The following EPHA6 variants were observed in gnomAD, a reference collection of about 807,000 sequenced individuals.
EPHA6 encodes ephrin type-A receptor 6.
A neutral mutation model predicts 112.0 loss-of-function variants in EPHA6; 50 were observed. That is an observed-to-expected ratio of 0.45 (90% CI 0.36 to 0.56). The LOEUF (loss-of-function observed/expected upper bound fraction) is 0.56, where lower values mean the gene tolerates loss of function less well. Among genes scored for constraint, EPHA6 ranks in the 20% least tolerant of loss-of-function variants. The pLI is 0.00. For synonymous variants in EPHA6, 529 were observed against 490.7 expected (o/e 1.08, Z -1.03); for missense variants, 1,280 against 1,417.4 (o/e 0.90, Z 1.56).
chr3:97,752,826 T>C lies in EPHA6; in HGVS notation c.*4125T>C, dbSNP rs1338966360. Among the ~76,000 whole-genome samples the C allele has an allele frequency of 1.3e-5, 2 of 152,114 alleles. No individual in the cohort carries two copies. The highest frequency in any genetic ancestry group is 2.9e-5 in the Non-Finnish European group (2 of 67,968). On this transcript the variant is annotated 3_prime_UTR_variant, in exon 18 of 18. Coordinates refer to ENST00000389672, the MANE Select transcript of EPHA6 (RefSeq NM_001080448.3). Reference sequence around the variant, plus strand: ...AGTATTTTAAGATCAATATCTGTTATTATAAACTCACAGTTGGTGTCCATG... The same window carrying C: ...AGTATTTTAAGATCAATATCTGTTACTATAAACTCACAGTTGGTGTCCATG...
intron 3 of EPHA6, among the ~76,000 whole-genome samples, chr3:97,113,673 C>T (rs1404227675): frequency 6.6e-6 from 1 of 152,044 alleles, no homozygotes; most frequent in African/African-American, 2.4e-5. Context: ...TGCCTTTTTC[C>T]TTTTTTCATC....
intron 2 of EPHA6, among the ~76,000 whole-genome samples, chr3:96,926,804 T>C (rs1395339530): frequency 6.6e-6 from 1 of 152,204 alleles, no homozygotes; most frequent in African/African-American, 2.4e-5. Context: ...CCCAGCTGGT[T>C]TTATGGCTGA....
intron 3 of EPHA6, among the ~76,000 whole-genome samples, chr3:97,034,580 T>G (rs551326354): frequency 6.6e-6 from 1 of 152,046 alleles, no homozygotes; most frequent in South Asian, 2.1e-4. Context: ...TAAATTATTT[T>G]TTAAAACATC....
At chr3:97,492,689 T>C (rs1322235996) in intron 10 of EPHA6, among the ~76,000 whole-genome samples, 1 of 139,260 alleles carries the variant, frequency 7.2e-6, no homozygotes, top group Non-Finnish European at 1.5e-5. Context: ...AGATAGATAA[T>C]AAGTGAAGAA....
intron 7 of EPHA6, among the ~76,000 whole-genome samples, chr3:97,463,566 C>T (rs921695892): frequency 1.3e-5 from 2 of 152,122 alleles, no homozygotes; most frequent in African/African-American, 2.4e-5. Context: ...GCTCATGAAG[C>T]ACAAATGTTC....
chr3:97,155,798 C>G (rs540769529), intron 3 of EPHA6, among the ~76,000 whole-genome samples: 4 of 152,264 alleles, frequency 2.6e-5, no homozygotes, highest in Admixed American at 2.6e-4. Context: ...GTTCCTACAT[C>G]TCAGAGCCAG....
At chr3:97,625,685 G>A (rs1181591506) in intron 13 of EPHA6, among the ~76,000 whole-genome samples, 2 of 151,482 alleles carry the variant, frequency 1.3e-5, no homozygotes, top group Non-Finnish European at 3.0e-5. Flanking sequence ...TATTTTGATG[G>A]TCTGTTGTTA....
chr3:97,515,828 A>C (rs930338623), intron 10 of EPHA6, among the ~76,000 whole-genome samples: 1 of 152,318 alleles, frequency 6.6e-6, no homozygotes, highest in South Asian at 2.1e-4. Context: ...AAACTTGTTC[A>C]AAAGGAAAAA....
chr3:97,317,179 C>T (rs541277335), intron 5 of EPHA6, among the ~76,000 whole-genome samples: 1 of 151,604 alleles, frequency 6.6e-6, no homozygotes, highest in South Asian at 2.1e-4. Context: ...AACTGTGTCA[C>T]TGTCAGCCCT....
intron 11 of EPHA6, among the ~76,000 whole-genome samples, chr3:97,567,103 A>G (rs772852045): frequency 3.9e-5 from 6 of 152,202 alleles, no homozygotes; most frequent in Non-Finnish European, 8.8e-5. Context: ...TTATTCTACA[A>G]ATGATTTCAC....
chr3:97,720,759 A>T (rs1333476150), intron 15 of EPHA6, among the ~76,000 whole-genome samples: 1 of 152,216 alleles, frequency 6.6e-6, no homozygotes, highest in Non-Finnish European at 1.5e-5. Flanking sequence ...AGGGCAATTC[A>T]ATGCAGCACT....
chr3:97,614,064 G>GC lies in EPHA6; in HGVS notation c.2574+3210_2574+3211insC, dbSNP rs1451117090. On this transcript the variant is annotated intron_variant, in intron 13 of 17. Transcript: ENST00000389672. Reference sequence around the variant, plus strand: ...CCATTTTTTATAACAATATTAACTAGAATCTAAACTAAGTATAGCTATAGA... The same window carrying GC: ...CCATTTTTTATAACAATATTAACTAGCAATCTAAACTAAGTATAGCTATAGA... Among the ~76,000 whole-genome samples, 6 of 152,058 alleles carry GC rather than the reference G, an allele frequency of 3.9e-5. No individual in the cohort carries two copies. The East Asian group carries it at 7.7e-4, about 20-fold the overall frequency.
intron 3 of EPHA6, among the ~76,000 whole-genome samples, chr3:97,004,713 C>T (rs371657791): frequency 6.6e-6 from 1 of 152,242 alleles, no homozygotes. Flanking sequence ...GAAGTCTTTG[C>T]CCATGCCTAT....
At chr3:97,421,149 A>C (rs1174335125) in intron 6 of EPHA6, among the ~76,000 whole-genome samples, 1 of 152,096 alleles carries the variant, frequency 6.6e-6, no homozygotes, top group African/African-American at 2.4e-5. Context: ...GTCCATTATC[A>C]ATAGTTTCTA....
At chr3:96,905,565 G>A (rs1309217061) in intron 2 of EPHA6, among the ~76,000 whole-genome samples, 2 of 151,906 alleles carry the variant, frequency 1.3e-5, no homozygotes, top group East Asian at 1.9e-4. Flanking sequence ...ACCAAATTAA[G>A]TATCTCACAA....
At chr3:97,167,426 CTA>C (rs2076568060) in intron 3 of EPHA6, among the ~76,000 whole-genome samples, 1 of 152,068 alleles carries the variant, frequency 6.6e-6, no homozygotes, top group Non-Finnish European at 1.5e-5. Context: ...CCCTGAATTT[CTA>C]TGTTTTCAGC....
intron 2 of EPHA6, among the ~76,000 whole-genome samples, chr3:96,874,351 T>A (rs1254525241): frequency 6.6e-6 from 1 of 152,098 alleles, no homozygotes; most frequent in Non-Finnish European, 1.5e-5. Context: ...TATTTAATTA[T>A]CTTAGAAAGG....
intron 2 of EPHA6, among the ~76,000 whole-genome samples, chr3:96,874,114 A>G (rs1308892874): frequency 6.6e-6 from 1 of 152,114 alleles, no homozygotes; most frequent in Non-Finnish European, 1.5e-5. Context: ...TGATGACTGC[A>G]GTGAAGGGTG....
intron 11 of EPHA6, among the ~76,000 whole-genome samples, chr3:97,534,529 GAAC>G (rs2092736993): frequency 8.3e-6 from 1 of 120,904 alleles, no homozygotes; most frequent in Non-Finnish European, 1.7e-5. Context: ...TATTTGAATT[GAAC>G]AACATTAAAT....
Sources: gnomAD v4.1 joint callset for allele counts (sites outside exome capture counted in the v4.1 genomes callset) on GRCh38, gnomAD v4.1.1 for gene constraint, MANE v1.5 for transcripts, NCBI Gene and HGNC (gene_info 2026-07-23, HGNC 2026-07-21) for gene names.